DCBLD1: variants seen among roughly 807,000 people sequenced by gnomAD.
The protein encoded by DCBLD1 is discoidin, CUB and LCCL domain containing 1.
Under a neutral mutation model 71.5 loss-of-function variants are expected in DCBLD1, and 57 were observed. The ratio of observed to expected loss-of-function variants is 0.80; its 90% CI spans 0.64 to 0.99. The LOEUF is 0.99. DCBLD1 is among the 50% of genes least tolerant of loss of function. DCBLD1 has a pLI of 0.00. For missense variants in DCBLD1, 891 were observed against 923.5 expected, an observed-to-expected ratio of 0.96 and a Z score of 0.46; for synonymous variants, 380 against 363.8, an observed-to-expected ratio of 1.04 and a Z score of -0.51.
rs73512286 is a variant in DCBLD1, at chr6:117,540,869, G to A, written c.1250-49G>A. Reference sequence around the variant, plus strand: ...CTCAAGTTTGGTCATATTTTTTTTCGCCTATCATTGTTACTCATGTGGTTT... The same window carrying A: ...CTCAAGTTTGGTCATATTTTTTTTCACCTATCATTGTTACTCATGTGGTTT... On this transcript the variant is annotated intron_variant, in intron 10 of 14. Transcript: ENST00000338728. The A allele has an allele frequency of 5.0e-4, 813 of 1,613,772 alleles. 1 individual carries two copies. The African/African-American group carries it at 9.4e-3, about 19-fold the overall frequency.
At chr6:117,549,832 T>C (rs920937734), downstream of DCBLD1, 2 of 985,244 alleles carry the variant, frequency 2.0e-6, no homozygotes, top group Admixed American at 6.2e-5. Flanking sequence ...CCCTGCTCGC[T>C]GGGGTGTTAG....
intron 7 of DCBLD1, 84 bp downstream of exon 7, chr6:117,537,309 C>T (rs550579924): frequency 3.5e-5 from 45 of 1,294,856 alleles, no homozygotes; most frequent in East Asian, 1.2e-4. Context: ...CCGAGGCAGG[C>T]GGATCATGAG....
intron 6 of DCBLD1, among the ~76,000 whole-genome samples, chr6:117,536,600 C>G (rs1778890466): frequency 6.6e-6 from 1 of 152,204 alleles, no homozygotes; most frequent in Non-Finnish European, 1.5e-5. Context: ...GGAGCTGGTT[C>G]AAGACTTGGT....
At chr6:117,547,409 A>G (rs968966120) in intron 14 of DCBLD1, among the ~76,000 whole-genome samples, 1 of 152,124 alleles carries the variant, frequency 6.6e-6, no homozygotes, top group African/African-American at 2.4e-5. Context: ...GCGCCTGGCA[A>G]AGAGTAGGAG....
chr6:117,532,400 A>T lies in DCBLD1; in HGVS notation c.719+7A>T. On this transcript the variant is annotated splice_region_variant and intron_variant, in intron 6 of 14. Transcript: ENST00000338728. Reference sequence around the variant, plus strand: ...ATGGTGTTCTTTCGAGGGAGTAAGTATTTTTTTTCAGTATCGTTTGTTCTG... The same window carrying T: ...ATGGTGTTCTTTCGAGGGAGTAAGTTTTTTTTTTCAGTATCGTTTGTTCTG... 1 of 1,598,016 alleles carries T rather than the reference A, an allele frequency of 6.3e-7. No individual in the cohort carries two copies. The highest frequency in any genetic ancestry group is 8.5e-7 in the Non-Finnish European group (1 of 1,174,678).
At chr6:117,569,762 T>TA in exon 15 of DCBLD1, 1 of 1,548,452 alleles carries the variant, frequency 6.5e-7, no homozygotes, top group Middle Eastern at 1.7e-4. Flanking sequence ...GGCAGTAAAT[T>TA]AAAGTACTCT....
chr6:117,522,582 C>G (rs569440131), intron 4 of DCBLD1, among the ~76,000 whole-genome samples: 86 of 152,226 alleles, frequency 5.6e-4, no homozygotes, highest in Non-Finnish European at 9.6e-4. Flanking sequence ...GCTGGGACGA[C>G]AGGTGTGCAC....
chr6:117,512,609 G>T (rs1336272678), intron 2 of DCBLD1, among the ~76,000 whole-genome samples: 2 of 152,068 alleles, frequency 1.3e-5, no homozygotes, highest in African/African-American at 4.8e-5. Context: ...ACAGATCTGG[G>T]CCACGAGAAG....
chr6:117,506,154 T>C (rs1777836022), intron 2 of DCBLD1, among the ~76,000 whole-genome samples: 1 of 152,154 alleles, frequency 6.6e-6, no homozygotes, highest in South Asian at 2.1e-4. Flanking sequence ...ATATATTTTC[T>C]AGAATCCCCT....
intron 1 of DCBLD1, among the ~76,000 whole-genome samples, chr6:117,484,596 A>G (rs1777019950): frequency 6.6e-6 from 1 of 151,928 alleles, no homozygotes; most frequent in African/African-American, 2.4e-5. Context: ...TGATCCACCC[A>G]CCCCGGCCTC....
intron 1 of DCBLD1, among the ~76,000 whole-genome samples, chr6:117,483,591 C>T (rs1013225600): frequency 6.6e-6 from 1 of 152,178 alleles, no homozygotes; most frequent in African/African-American, 2.4e-5. Flanking sequence ...TGGAGTTAGA[C>T]CTAATTAACC....
chr6:117,549,388 G>C lies in DCBLD1; in HGVS notation c.*949G>C. ...CTAAATCGAGCTTTTCTACTGACATGAAACTGTTGGAAACTGATCTCATTT... is the reference window on the plus strand; with the variant it reads ...CTAAATCGAGCTTTTCTACTGACATCAAACTGTTGGAAACTGATCTCATTT... On this transcript the variant is annotated 3_prime_UTR_variant, in exon 15 of 15. Transcript: ENST00000338728. 1.0e-6 allele frequency: 1 copy of C among 985,380 alleles called. No homozygotes were observed. Among genetic ancestry groups the C allele is most frequent in the Non-Finnish European group, 1.2e-6 (1 of 829,924 alleles). The allele number at this position is 985,380 out of a possible 1,614,324, so 61.0% of individuals were successfully genotyped here. A position where few individuals can be genotyped will look rare whatever the true frequency, so the allele number is the denominator to read the frequency against.
chr6:117,518,799 C>G (rs1778292434), intron 2 of DCBLD1, among the ~76,000 whole-genome samples: 1 of 152,172 alleles, frequency 6.6e-6, no homozygotes, highest in Admixed American at 6.5e-5. Context: ...CAGGTCCCTC[C>G]CACAACACAT....
At chr6:117,485,286 C>G (rs1379472833) in intron 1 of DCBLD1, among the ~76,000 whole-genome samples, 7 of 152,204 alleles carry the variant, frequency 4.6e-5, no homozygotes, top group African/African-American at 1.7e-4. Context: ...AAAGTATTCC[C>G]TTGTGATTTA....
intron 1 of DCBLD1, among the ~76,000 whole-genome samples, chr6:117,496,606 C>A (rs1408963719): frequency 1.3e-5 from 2 of 152,080 alleles, no homozygotes; most frequent in African/African-American, 2.4e-5. Context: ...TTTCTCACAC[C>A]CACACATGGA....
At position 117,538,753 on chromosome 6, in the gene DCBLD1, A is replaced by G. The variant is rs1778988402; in HGVS notation, c.894A>G (p.Ser298=). Reference sequence around the variant, plus strand: ...CCCGACTTCAGGACCAAGGCCCATCATGGGCTTCGGGCGACAGTAGCAACA... The same window carrying G: ...CCCGACTTCAGGACCAAGGCCCATCGTGGGCTTCGGGCGACAGTAGCAACA... ...GQARLQDQGP[S]WASGDSSNNH... The change falls in exon 8 of 15, where the codon TCA becomes TCG. Residue 298 remains serine, a synonymous_variant. Coordinates refer to ENST00000338728, the MANE Select transcript of DCBLD1 (RefSeq NM_001366458.2). 6.2e-7 allele frequency: 1 copy of G among 1,614,160 alleles called. No individual in the cohort carries two copies. Among genetic ancestry groups the G allele is most frequent in the African/African-American group, 1.3e-5 (1 of 75,030 alleles).
intron 5 of DCBLD1, among the ~76,000 whole-genome samples, chr6:117,526,308 T>A (rs1459018518): frequency 6.6e-6 from 1 of 152,218 alleles, no homozygotes; most frequent in Non-Finnish European, 1.5e-5. Flanking sequence ...CACTGGATAC[T>A]CATTTGACCT....
At chr6:117,508,641 C>T (rs568529625) in intron 2 of DCBLD1, among the ~76,000 whole-genome samples, 106 of 152,264 alleles carry the variant, frequency 7.0e-4, no homozygotes, top group African/African-American at 2.5e-3. Context: ...TTTGAATTTA[C>T]TCAGAGGTTT....
downstream of DCBLD1, chr6:117,549,858 A>C: frequency 1.0e-6 from 1 of 985,446 alleles, no homozygotes; most frequent in Non-Finnish European, 1.2e-6. Context: ...CTCAAGGTTC[A>C]GCTTCTGTAA....
Sources: gnomAD v4.1 joint callset for allele counts (sites outside exome capture counted in the v4.1 genomes callset) on GRCh38, gnomAD v4.1.1 for gene constraint, MANE v1.5 for transcripts, NCBI Gene and HGNC (gene_info 2026-07-23, HGNC 2026-07-21) for gene names.